Variants in DPEP2 observed in about 807,000 individuals in gnomAD.
DPEP2 encodes the protein dipeptidase 2.
In DPEP2, 45 loss-of-function variants were observed where a neutral mutation model predicts 51.8. That is an observed-to-expected ratio of 0.87 (90% CI 0.68 to 1.11). The LOEUF (loss-of-function observed/expected upper bound fraction) is 1.11, where lower values mean the gene tolerates loss of function less well. Among genes scored for constraint, DPEP2 ranks in the 50% most tolerant of loss-of-function variants. The pLI, the probability that DPEP2 is intolerant of heterozygous loss-of-function variation, is 0.00. For missense variants in DPEP2, 604 were observed against 631.9 expected (o/e 0.96, Z 0.47); for synonymous variants, 255 against 262.7 (o/e 0.97, Z 0.28).
chr16:67,993,421 C>G, intron 1 of DPEP2, 164 bp from the exon 2 acceptor site: 1 of 1,263,404 alleles, frequency 7.9e-7, no homozygotes, highest in Non-Finnish European at 1.0e-6. Flanking sequence ...AGGGGGCGCC[C>G]AGCCCTCCCG....
chr16:67,991,978 A>T lies in DPEP2; in HGVS notation c.522T>A (p.Ala174=), dbSNP rs750315077. 6.2e-7 allele frequency: 1 copy of T among 1,614,172 alleles called. No individual in the cohort carries two copies. Among genetic ancestry groups the T allele is most frequent in the Non-Finnish European group, 8.5e-7 (1 of 1,180,020 alleles). ...SELELVTSAK[A]LNDTQKLACL... is the part of the protein sequence containing the mutation. ...AGGCCAATTTCTGAGTGTCGTTCAGAGCTGGGGGCAGGTAGGTCAGGTGAT... is the reference window on the plus strand; with the variant it reads ...AGGCCAATTTCTGAGTGTCGTTCAGTGCTGGGGGCAGGTAGGTCAGGTGAT... Residue 174 remains alanine, a splice_region_variant and synonymous_variant, in exon 5 of 11, where the codon GCT becomes GCA. Coordinates refer to ENST00000393847, the MANE Select transcript of DPEP2 (RefSeq NM_022355.4). The surrounding 1 kb of genome is among the most constrained non-coding windows in gnomAD (Gnocchi z 5.1).
upstream of DPEP2, chr16:67,999,564 A>T: frequency 1.1e-6 from 1 of 942,448 alleles, no homozygotes; most frequent in Non-Finnish European, 1.3e-6. Context: ...TGGTTGGCTA[A>T]CACTTGTTTA....
intron 9 of DPEP2, among the ~76,000 whole-genome samples, chr16:67,988,284 C>T (rs937226105): frequency 6.6e-6 from 1 of 152,138 alleles, no homozygotes; most frequent in African/African-American, 2.4e-5. Flanking sequence ...GTGGCTCACA[C>T]CTGTAATCCC....
chr16:67,995,219 T>A (rs1002739835), intron 1 of DPEP2, among the ~76,000 whole-genome samples: 52 of 151,314 alleles, frequency 3.4e-4, no homozygotes, highest in African/African-American at 7.3e-4. Context: ...ATTTTTTATT[T>A]ATTTTTTTAA....
intron 1 of DPEP2, among the ~76,000 whole-genome samples, chr16:67,995,859 G>T (rs540712171): frequency 6.6e-6 from 1 of 152,030 alleles, no homozygotes; most frequent in African/African-American, 2.4e-5. Context: ...AAATACCTGG[G>T]AGGCTGAGTT....
chr16:67,988,602 CAA>C (rs56905546), intron 9 of DPEP2, among the ~76,000 whole-genome samples: 28 of 99,006 alleles, frequency 2.8e-4, no homozygotes, highest in Admixed American at 5.7e-4. Flanking sequence ...GCCTCTGTCT[CAA>C]AAAAAAAAAA....
chr16:67,997,045 T>TA, intron 1 of DPEP2, among the ~76,000 whole-genome samples: 1 of 144,926 alleles, frequency 6.9e-6, no homozygotes, highest in East Asian at 2.0e-4. Flanking sequence ...TTATTATTAT[T>TA]TTCTGAGACA....
chr16:67,997,447 C>T (rs1434001475), intron 1 of DPEP2, among the ~76,000 whole-genome samples: 5 of 152,126 alleles, frequency 3.3e-5, no homozygotes, highest in African/African-American at 1.2e-4. Context: ...AGCTCCGCCT[C>T]CCGGGTTCAG....
intron 1 of DPEP2, among the ~76,000 whole-genome samples, chr16:67,996,432 C>T (rs1034588047): frequency 6.6e-6 from 1 of 151,386 alleles, no homozygotes; most frequent in Admixed American, 6.6e-5. Flanking sequence ...GTGATCTTGG[C>T]GGGCAATGAT....
Position 67,991,028 on chromosome 16 carries a change from G to C in DPEP2, c.733-31C>G. 1 of 1,613,938 alleles carries C rather than the reference G, an allele frequency of 6.2e-7. No individual in the cohort carries two copies. The highest frequency in any genetic ancestry group is 1.1e-5 in the South Asian group (1 of 91,072). ...GGGACATGTTGGGAGAAGGGTATCAGGGGTGCACATGTGTATACATTTATT... is the reference window on the plus strand; with the variant it reads ...GGGACATGTTGGGAGAAGGGTATCACGGGTGCACATGTGTATACATTTATT... On this transcript the variant is annotated intron_variant, in intron 6 of 10. Transcript: ENST00000393847. This position sits in a 1 kb window ranked among gnomAD's most constrained non-coding sequence, Gnocchi z 5.1.
In DPEP2 at chr16:67,990,147, A is replaced by G. The variant is rs767337674; in HGVS notation, c.910-16T>C. 1.9e-6 allele frequency: 3 copies of G among 1,613,524 alleles called. No homozygotes were observed. The highest frequency in any genetic ancestry group is 2.5e-6 in the Non-Finnish European group (3 of 1,179,752). ...CGTTCTTCTTCTGCAGGGGCGGGCA[A>G]GTGGACACTTAGCCTGGCCCCTCAG... On this transcript the variant is annotated splice_polypyrimidine_tract_variant and intron_variant, in intron 7 of 10. Coordinates refer to ENST00000393847, the MANE Select transcript of DPEP2 (RefSeq NM_022355.4).
chr16:67,995,486 A>G (rs1470982747), intron 1 of DPEP2, among the ~76,000 whole-genome samples: 4 of 152,038 alleles, frequency 2.6e-5, no homozygotes, highest in Non-Finnish European at 4.4e-5. Context: ...TCCATCATCC[A>G]CTGCTGGTCA....
Position 67,991,031 on chromosome 16 carries a change from G to A in DPEP2, c.733-34C>T. The A allele has an allele frequency of 6.2e-7, 1 of 1,613,944 alleles. No homozygotes were observed. ...ACATGTTGGGAGAAGGGTATCAGGG[G>A]TGCACATGTGTATACATTTATTTGT... On this transcript the variant is annotated intron_variant, in intron 6 of 10. Coordinates refer to ENST00000393847, the MANE Select transcript of DPEP2 (RefSeq NM_022355.4). This position sits in a 1 kb window ranked among gnomAD's most constrained non-coding sequence, Gnocchi z 5.1.
upstream of DPEP2, chr16:68,000,340 C>T (rs371287799): frequency 4.4e-4 from 298 of 671,606 alleles, 2 homozygotes; most frequent in African/African-American, 5.2e-3. Context: ...TACTCATCTC[C>T]AGTGTATTTC....
In DPEP2 at chr16:67,991,147, T is replaced by C. The variant is rs2032098693; in HGVS notation, c.700A>G (p.Asn234Asp). ...SSAKGVHSFYNNISGLTDFGE... is the reference protein window; with the variant it reads ...SSAKGVHSFYDNISGLTDFGE... ...AAGTCAGTCAGCCCGCTGATGTTGTTGTAGAAGGAGTGGACGCCCTTAGCG... is the reference window on the plus strand; with the variant it reads ...AAGTCAGTCAGCCCGCTGATGTTGTCGTAGAAGGAGTGGACGCCCTTAGCG... The change falls in exon 6 of 11, where the codon AAC (asparagine) becomes GAC (aspartate). Residue 234 changes from asparagine (N) to aspartate (D), a missense_variant. Physicochemically the swap from Asn to Asp is conservative, Grantham distance 23. Transcript: ENST00000393847. This position sits in a 1 kb window ranked among gnomAD's most constrained non-coding sequence, Gnocchi z 5.1. 1 of 1,614,026 alleles carries C rather than the reference T, an allele frequency of 6.2e-7. No individual in the cohort carries two copies. The highest frequency in any genetic ancestry group is 8.5e-7 in the Non-Finnish European group (1 of 1,180,030).
rs1235258252 is a variant in DPEP2, at chr16:67,999,447, A to G, written c.-118T>C. 1.0e-6 allele frequency: 1 copy of G among 990,672 alleles called. No homozygotes were observed. The highest frequency in any genetic ancestry group is 1.7e-5 in the African/African-American group (1 of 57,452). The allele number at this position is 990,672 out of a possible 1,614,324, so 61.4% of individuals were successfully genotyped here. On this transcript the variant is annotated 5_prime_UTR_variant, in exon 1 of 11. Coordinates refer to ENST00000393847, the MANE Select transcript of DPEP2 (RefSeq NM_022355.4). ...AACTCAGTGAGACCAAGAACCCACC[A>G]ATTCCGGACACACTAAGACAAGATT...
In DPEP2 at chr16:67,991,659, T is replaced by G. The variant is rs2032170886; in HGVS notation, c.662+179A>C. Reference sequence around the variant, plus strand: ...TCCCAAAGTTTTGGGATTACAGGCATGAGCCACCGCGTCTGGCCAGGGGTC... The same window carrying G: ...TCCCAAAGTTTTGGGATTACAGGCAGGAGCCACCGCGTCTGGCCAGGGGTC... On this transcript the variant is annotated intron_variant, in intron 5 of 10. Transcript: ENST00000393847. This position sits in a 1 kb window ranked among gnomAD's most constrained non-coding sequence, Gnocchi z 5.1. 8 of 963,670 alleles carry G rather than the reference T, an allele frequency of 8.3e-6. No individual in the cohort carries two copies. Among genetic ancestry groups the G allele is most frequent in the Non-Finnish European group, 1.0e-5 (7 of 674,192 alleles). 59.7% of individuals were successfully genotyped at this position (963,670 alleles called of 1,614,324 possible).
intron 1 of DPEP2, among the ~76,000 whole-genome samples, chr16:67,996,999 ATATTATTATTATTATTAT>A (rs35421512): frequency 0.01 from 1,431 of 139,096 alleles, 17 homozygotes; most frequent in African/African-American, 0.014. Context: ...ATAGATAATG[ATATTATTATTATTATTAT>A]TATTATTATT....
rs1237672000 is a variant in DPEP2 at position 67,993,886 on chromosome 16, T to G, written c.-45-629A>C. On this transcript the variant is annotated intron_variant, in intron 1 of 10. Coordinates refer to ENST00000393847, the MANE Select transcript of DPEP2 (RefSeq NM_022355.4). ...CTCCCGTAACTTAGGCCCTCAAGCCTATACTCTGGGGAATCTCCCAGCTAC... is the reference window on the plus strand; with the variant it reads ...CTCCCGTAACTTAGGCCCTCAAGCCGATACTCTGGGGAATCTCCCAGCTAC... The G allele has an allele frequency of 1.5e-5, 15 of 985,386 alleles. No homozygotes were observed. The Admixed American group carries it at 9.2e-4, about 61-fold the overall frequency. The allele number at this position is 985,386 out of a possible 1,614,324, so 61.0% of individuals were successfully genotyped here.
Sources: allele counts gnomAD v4.1 joint callset (sites outside exome capture counted in the v4.1 genomes callset), GRCh38; gene constraint gnomAD v4.1.1; non-coding constraint Gnocchi (gnomAD v3.1); transcripts MANE v1.5; gene names NCBI Gene and HGNC (gene_info 2026-07-23, HGNC 2026-07-21).